PRKN: variants seen among roughly 807,000 people sequenced by gnomAD.
The protein encoded by PRKN is parkin RBR E3 ubiquitin protein ligase.
PRKN carries 56 observed loss-of-function variants against 59.5 expected under a neutral mutation model. The ratio of observed to expected loss-of-function variants is 0.94; its 90% CI spans 0.76 to 1.18. The LOEUF is 1.18. Among genes scored for constraint, PRKN ranks in the 50% most tolerant of loss-of-function variants. The pLI is 0.00. For synonymous variants in PRKN, 250 were observed against 222.1 expected, an observed-to-expected ratio of 1.13 and a Z score of -1.12; for missense variants, 657 against 596.4, an observed-to-expected ratio of 1.10 and a Z score of -1.06.
Position 161,582,997 on chromosome 6 carries a change from CACACACACACACACACACACACACAT to C in PRKN, c.872-13607_872-13582del, listed in dbSNP as rs1229332314. On this transcript the variant is annotated intron_variant, in intron 7 of 11. Transcript: ENST00000366898. The surrounding 1 kb of genome is among the most constrained non-coding windows in gnomAD (Gnocchi z 4.4). ...ACACACACACACACACACACACACA[CACACACACACACACACACACACACAT>C]ACACATTTTGTAAGATCTTGAAAAC... is the stretch of plus-strand genomic sequence containing the variant. Among the ~76,000 whole-genome samples the C allele has an allele frequency of 3.8e-4, 55 of 143,582 alleles. No individual in the cohort carries two copies. Among genetic ancestry groups the C allele is most frequent in the Non-Finnish European group, 6.6e-4 (43 of 64,998 alleles). 94.2% of individuals were successfully genotyped at this position (143,582 alleles called of 152,430 possible).
At chr6:162,515,362 C>T (rs1031398271) in intron 1 of PRKN, among the ~76,000 whole-genome samples, 17 of 152,106 alleles carry the variant, frequency 1.1e-4, no homozygotes, top group Non-Finnish European at 2.1e-4. Flanking sequence ...GGATTATAGG[C>T]ATGAGCCACC....
chr6:162,072,334 A>G (rs939488865), intron 4 of PRKN, among the ~76,000 whole-genome samples: 1 of 152,234 alleles, frequency 6.6e-6, no homozygotes, highest in South Asian at 2.1e-4. Flanking sequence ...CTTTGAGGGT[A>G]TATTGGAGGG....
intron 6 of PRKN, among the ~76,000 whole-genome samples, chr6:161,914,193 C>T (rs559087167): frequency 3.3e-5 from 5 of 152,050 alleles, no homozygotes; most frequent in South Asian, 2.1e-4. Context: ...AGCTATACAA[C>T]GTAACACTGT....
At chr6:162,001,467 G>C (rs1000945154) in intron 5 of PRKN, among the ~76,000 whole-genome samples, 2 of 151,982 alleles carry the variant, frequency 1.3e-5, no homozygotes, top group African/African-American at 4.8e-5. Context: ...TGCTGGTACA[G>C]AGGGAAGCAA....
At chr6:161,634,376 T>C (rs1370589727) in intron 7 of PRKN, among the ~76,000 whole-genome samples, 2 of 152,160 alleles carry the variant, frequency 1.3e-5, no homozygotes, top group Non-Finnish European at 2.9e-5. Context: ...GAGCCTCCTG[T>C]ATACAGTAGA....
chr6:161,450,887 A>G (rs1789712780), intron 9 of PRKN, among the ~76,000 whole-genome samples: 1 of 152,186 alleles, frequency 6.6e-6, no homozygotes, highest in Non-Finnish European at 1.5e-5. Context: ...TTATTCCAAA[A>G]TAAATATCAT....
chr6:162,032,796 T>G (rs2128279621), intron 5 of PRKN, among the ~76,000 whole-genome samples: 1 of 152,318 alleles, frequency 6.6e-6, no homozygotes, highest in South Asian at 2.1e-4. Context: ...TGTGGCAGAA[T>G]GAGAAACCAC....
intron 1 of PRKN, among the ~76,000 whole-genome samples, chr6:162,688,072 A>G (rs1476700152): frequency 6.6e-6 from 1 of 152,220 alleles, no homozygotes; most frequent in Non-Finnish European, 1.5e-5. Flanking sequence ...CAATGGGGAA[A>G]TATTTTACTT....
At chr6:161,932,545 T>C (rs936027591) in intron 6 of PRKN, among the ~76,000 whole-genome samples, 5 of 152,226 alleles carry the variant, frequency 3.3e-5, no homozygotes, top group African/African-American at 1.2e-4. Flanking sequence ...TATACTTTTA[T>C]TTTTATTTTT....
At chr6:161,885,460 A>C (rs13205858) in intron 6 of PRKN, among the ~76,000 whole-genome samples, 27,031 of 151,988 alleles carry the variant, frequency 0.18, 2,555 homozygotes, top group African/African-American at 0.22. Context: ...GTCAGGAGAT[A>C]GAGACCATCC....
intron 1 of PRKN, among the ~76,000 whole-genome samples, chr6:162,677,082 A>G (rs1361834195): frequency 2.9e-5 from 4 of 138,558 alleles, no homozygotes; most frequent in African/African-American, 1.1e-4. Context: ...AAAAAAAAAA[A>G]ATGACCTAAG....
chr6:161,966,292 C>T (rs1780576818), intron 6 of PRKN, among the ~76,000 whole-genome samples: 1 of 151,944 alleles, frequency 6.6e-6, no homozygotes, highest in South Asian at 2.1e-4. Flanking sequence ...GTTTAGTCCT[C>T]AATATCTTGA....
intron 2 of PRKN, among the ~76,000 whole-genome samples, chr6:162,295,430 C>T (rs563506002): frequency 3.0e-4 from 45 of 152,272 alleles, no homozygotes; most frequent in Non-Finnish European, 4.7e-4. Context: ...TGGCTACACA[C>T]AGGCCCTGTG....
intron 7 of PRKN, among the ~76,000 whole-genome samples, chr6:161,749,908 A>C (rs1299272768): frequency 1.3e-5 from 2 of 152,108 alleles, no homozygotes; most frequent in African/African-American, 4.8e-5. Context: ...AAAACTCAAC[A>C]GATTTTATCC....
intron 2 of PRKN, among the ~76,000 whole-genome samples, chr6:162,339,059 CCGCCCCG>C (rs1190739799): frequency 1.1e-4 from 17 of 148,044 alleles, no homozygotes; most frequent in Non-Finnish European, 1.1e-4. Context: ...CGCCCGGCAG[CCGCCCCG>C]TCTGAGAAGT....
chr6:162,369,454 C>G (rs1361044865), intron 2 of PRKN, among the ~76,000 whole-genome samples: 2 of 152,142 alleles, frequency 1.3e-5, no homozygotes, highest in Non-Finnish European at 2.9e-5. Flanking sequence ...TACTATACTA[C>G]CCAATGTCTT....
At chr6:161,541,692 G>A (rs1010197212) in intron 9 of PRKN, among the ~76,000 whole-genome samples, 4 of 152,154 alleles carry the variant, frequency 2.6e-5, no homozygotes, top group East Asian at 3.9e-4. Flanking sequence ...GTAGTGGCAC[G>A]TGCCTGTAAT....
chr6:161,762,378 A>G lies in PRKN; in HGVS notation c.871+23394T>C, dbSNP rs140991434. ...AGAACAGAAAGCAAACCAAAAAGAC[A>G]GATGCACTAGAAACGTGATTGAAAA... On this transcript the variant is annotated intron_variant, in intron 7 of 11. Transcript: ENST00000366898. Among the ~76,000 whole-genome samples the G allele has an allele frequency of 2.5e-4, 38 of 152,344 alleles. 1 individual carries two copies. In the East Asian group the frequency reaches 6.5e-3, roughly 26 times the overall value.
At chr6:162,445,526 A>G (rs922777390) in intron 1 of PRKN, among the ~76,000 whole-genome samples, 1 of 151,678 alleles carries the variant, frequency 6.6e-6, no homozygotes, top group African/African-American at 2.4e-5. Context: ...ATCTCTACAA[A>G]AAATTTTTTT....
Sources: gnomAD v4.1 joint callset for allele counts (sites outside exome capture counted in the v4.1 genomes callset) on GRCh38, gnomAD v4.1.1 for gene constraint, Gnocchi (gnomAD v3.1) non-coding constraint, MANE v1.5 for transcripts, NCBI Gene and HGNC (gene_info 2026-07-23, HGNC 2026-07-21) for gene names.